The following ANXA4 variants were observed in gnomAD, a reference collection of about 807,000 sequenced individuals.
ANXA4 encodes 35-beta calcimedin.
In ANXA4, 39 loss-of-function variants were observed where a neutral mutation model predicts 49.8. The observed-to-expected ratio is 0.78, with a 90% CI of 0.61 to 1.02. ANXA4 has a LOEUF of 1.02. ANXA4 is among the 50% of genes least tolerant of loss of function. ANXA4 has a pLI of 0.00. For synonymous variants in ANXA4, 134 were observed against 152.5 expected (o/e 0.88, Z 0.89); for missense variants, 360 against 410.1 (o/e 0.88, Z 1.05).
intron 3 of ANXA4, among the ~76,000 whole-genome samples, chr2:69,722,184 T>C (rs6546544): frequency 0.29 from 43,545 of 152,058 alleles, 9,591 homozygotes; most frequent in African/African-American, 0.6. Context: ...CTGTGCTAAG[T>C]CTGGGGATGT....
intron 3 of ANXA4, among the ~76,000 whole-genome samples, chr2:69,736,757 AG>A (rs1393703563): frequency 5.3e-5 from 8 of 152,194 alleles, no homozygotes; most frequent in Non-Finnish European, 1.0e-4. Flanking sequence ...TATGTGTATG[AG>A]AATCTATGTT....
chr2:69,648,257 A>G (rs1676083952), intron 1 of ANXA4, among the ~76,000 whole-genome samples: 1 of 152,226 alleles, frequency 6.6e-6, no homozygotes, highest in Non-Finnish European at 1.5e-5. Flanking sequence ...ATTTCTACAA[A>G]ACATCTTAAA....
intron 1 of ANXA4, among the ~76,000 whole-genome samples, chr2:69,771,936 A>G (rs1057145848): frequency 2.0e-5 from 3 of 152,142 alleles, no homozygotes; most frequent in Admixed American, 6.5e-5. Context: ...TTAATTCCCA[A>G]CTATCTTTCA....
intron 2 of ANXA4, among the ~76,000 whole-genome samples, chr2:69,669,110 A>G (rs1275841513): frequency 3.3e-5 from 5 of 151,188 alleles, no homozygotes; most frequent in Non-Finnish European, 5.9e-5. Flanking sequence ...TAATCTGGCT[A>G]ATTTTTGTAT....
At chr2:69,808,692 C>T (rs1356136112) in intron 6 of ANXA4, 2 of 151,966 alleles carry the variant, frequency 1.3e-5, no homozygotes, top group African/African-American at 2.4e-5. Flanking sequence ...GACAGGGTCT[C>T]ACTCTGTTGC....
chr2:69,689,776 A>C (rs1314440728), intron 2 of ANXA4, among the ~76,000 whole-genome samples: 1 of 152,180 alleles, frequency 6.6e-6, no homozygotes, highest in African/African-American at 2.4e-5. Flanking sequence ...AATATTTTAT[A>C]ATTATGTAAA....
chr2:69,738,718 T>C (rs906195652), upstream of ANXA4, among the ~76,000 whole-genome samples: 5 of 152,226 alleles, frequency 3.3e-5, no homozygotes, highest in African/African-American at 1.2e-4. Context: ...AATCTGACCC[T>C]GAGCCTGCCA....
intron 1 of ANXA4, among the ~76,000 whole-genome samples, chr2:69,746,865 G>A (rs1423759652): frequency 2.6e-5 from 4 of 151,710 alleles, no homozygotes; most frequent in Admixed American, 6.6e-5. Flanking sequence ...AGGTGTGGTG[G>A]TGCACTCCTG....
At chr2:69,705,096 G>A (rs1368924529) in intron 2 of ANXA4, among the ~76,000 whole-genome samples, 1 of 151,762 alleles carries the variant, frequency 6.6e-6, no homozygotes, top group East Asian at 1.9e-4. Flanking sequence ...GACCAGCCTG[G>A]GTGACATAGA....
At chr2:69,661,196 A>G (rs1402496323) in intron 2 of ANXA4, among the ~76,000 whole-genome samples, 1 of 151,766 alleles carries the variant, frequency 6.6e-6, no homozygotes, top group Non-Finnish European at 1.5e-5. Context: ...CTTGAAGCAT[A>G]AGATGAAATA....
intron 2 of ANXA4, among the ~76,000 whole-genome samples, chr2:69,703,996 C>T (rs1485372778): frequency 2.0e-5 from 3 of 152,126 alleles, no homozygotes; most frequent in Admixed American, 6.6e-5. Flanking sequence ...ATCTAACTGC[C>T]TCCCCTCCCC....
intron 7 of ANXA4, among the ~76,000 whole-genome samples, chr2:69,812,104 G>A (rs537618784): frequency 6.7e-6 from 1 of 148,274 alleles, no homozygotes; most frequent in Non-Finnish European, 1.5e-5. Context: ...ACTCTCCTCT[G>A]TTCCCAACCT....
At chr2:69,662,028 G>A (rs1338011125) in intron 2 of ANXA4, among the ~76,000 whole-genome samples, 1 of 152,184 alleles carries the variant, frequency 6.6e-6, no homozygotes, top group Admixed American at 6.5e-5. Flanking sequence ...ATAAAACAGT[G>A]ACCATTATAT....
chr2:69,778,824 G>T (rs1158010854), intron 1 of ANXA4, among the ~76,000 whole-genome samples: 1 of 147,272 alleles, frequency 6.8e-6, no homozygotes, highest in African/African-American at 2.5e-5. Flanking sequence ...AGGGCCAGGT[G>T]TGATGGCTCA....
intron 2 of ANXA4, among the ~76,000 whole-genome samples, chr2:69,666,349 A>G (rs1035762295): frequency 8.5e-5 from 13 of 152,246 alleles, no homozygotes; most frequent in African/African-American, 1.2e-4. Flanking sequence ...ACAAGTGTTG[A>G]CAAAGATGTG....
intron 3 of ANXA4, among the ~76,000 whole-genome samples, chr2:69,801,928 A>C (rs1673215106): frequency 6.6e-6 from 1 of 152,122 alleles, no homozygotes. Context: ...TGCTAAATGG[A>C]GGGGGTTAAG....
At chr2:69,761,809 C>T (rs1335155649) in intron 1 of ANXA4, among the ~76,000 whole-genome samples, 1 of 150,738 alleles carries the variant, frequency 6.6e-6, no homozygotes, top group Non-Finnish European at 1.5e-5. Context: ...AAAATGTGTC[C>T]ATAGCTACTT....
At chr2:69,707,139 A>G (rs930099937) in intron 2 of ANXA4, among the ~76,000 whole-genome samples, 3 of 152,168 alleles carry the variant, frequency 2.0e-5, no homozygotes, top group African/African-American at 7.2e-5. Context: ...TAGCTCTGGT[A>G]TAGGGTTATG....
intron 2 of ANXA4, among the ~76,000 whole-genome samples, chr2:69,655,838 C>G (rs533605134): frequency 6.6e-5 from 10 of 152,272 alleles, no homozygotes. Flanking sequence ...CCATGGAATA[C>G]TGTGCAGTCA....
Sources: allele counts gnomAD v4.1 joint callset (sites outside exome capture counted in the v4.1 genomes callset), GRCh38; gene constraint gnomAD v4.1.1; transcripts MANE v1.5; gene names NCBI Gene and HGNC (gene_info 2026-07-23, HGNC 2026-07-21).